Variants in WDR70 observed in about 807,000 individuals in gnomAD.
WDR70 encodes the protein WD repeat-containing protein 70.
In WDR70, 53 loss-of-function variants were observed where a neutral mutation model predicts 88.6. The ratio of observed to expected loss-of-function variants is 0.60; its 90% CI spans 0.48 to 0.75. WDR70 has a LOEUF of 0.75. WDR70 is among the 30% of genes least tolerant of loss of function. WDR70 has a pLI of 0.00. For missense variants in WDR70, 610 were observed against 823.2 expected, an observed-to-expected ratio of 0.74 and a Z score of 3.17; for synonymous variants, 280 against 270.0, an observed-to-expected ratio of 1.04 and a Z score of -0.36.
chr5:37,475,289 G>A (rs1033870384), intron 7 of WDR70, among the ~76,000 whole-genome samples: 2 of 151,966 alleles, frequency 1.3e-5, no homozygotes, highest in Non-Finnish European at 1.5e-5. Flanking sequence ...AGGCTGGAGT[G>A]CAATGGCGCA....
At chr5:37,522,292 A>G (rs1281151905) in intron 9 of WDR70, among the ~76,000 whole-genome samples, 1 of 151,838 alleles carries the variant, frequency 6.6e-6, no homozygotes, top group African/African-American at 2.4e-5. Context: ...TAACACAGTG[A>G]AACCCTGTCT....
At chr5:37,578,710 T>TAAG (rs1743128116) in intron 9 of WDR70, among the ~76,000 whole-genome samples, 1 of 152,230 alleles carries the variant, frequency 6.6e-6, no homozygotes, top group Non-Finnish European at 1.5e-5. Flanking sequence ...TTAGACTCTG[T>TAAG]TCTCAAAGAG....
intron 10 of WDR70, among the ~76,000 whole-genome samples, chr5:37,655,347 A>G (rs1424092321): frequency 2.6e-5 from 4 of 152,122 alleles, no homozygotes; most frequent in African/African-American, 9.7e-5. Context: ...GGGTAACCCA[A>G]CCTTTCTTCT....
At chr5:37,586,560 GC>G (rs1188986637) in intron 9 of WDR70, among the ~76,000 whole-genome samples, 1 of 150,824 alleles carries the variant, frequency 6.6e-6, no homozygotes, top group Non-Finnish European at 1.5e-5. Flanking sequence ...CCCTCCCCTA[GC>G]CCCCCACCCA....
chr5:37,546,966 A>C (rs1742019224), intron 9 of WDR70, among the ~76,000 whole-genome samples: 1 of 152,158 alleles, frequency 6.6e-6, no homozygotes, highest in African/African-American at 2.4e-5. Context: ...AGAATGTAGA[A>C]GTCTCCAAAG....
chr5:37,751,529 C>T (rs1056212939), intron 17 of WDR70, among the ~76,000 whole-genome samples: 2 of 152,092 alleles, frequency 1.3e-5, no homozygotes, highest in East Asian at 3.8e-4. Flanking sequence ...AAAAAAGCAG[C>T]AAGAGGGAAT....
intron 9 of WDR70, among the ~76,000 whole-genome samples, chr5:37,566,660 C>CA (rs1176053588): frequency 6.6e-6 from 1 of 152,158 alleles, no homozygotes; most frequent in African/African-American, 2.4e-5. Flanking sequence ...TTTCCTGGAA[C>CA]AAACTCTCAA....
intron 10 of WDR70, among the ~76,000 whole-genome samples, chr5:37,661,395 G>T (rs905874011): frequency 6.6e-6 from 1 of 152,164 alleles, no homozygotes; most frequent in Non-Finnish European, 1.5e-5. Context: ...GCCCTATATC[G>T]AAATGTAGTA....
In WDR70 at chr5:37,391,465, C is replaced by A. The variant is rs184745882; in HGVS notation, c.176-535C>A. ...CCACCATTCTACTTTTTGTCTCTGA[C>A]TTTGACTACTCTAGATTACCTCATG... On this transcript the variant is annotated intron_variant, in intron 3 of 17. Coordinates refer to ENST00000265107, the MANE Select transcript of WDR70 (RefSeq NM_018034.4). Among the ~76,000 whole-genome samples, 145 of 152,306 alleles carry A rather than the reference C, an allele frequency of 9.5e-4. 2 individuals are homozygous for A. Among genetic ancestry groups the A allele is most frequent in the Non-Finnish European group, 1.8e-3 (121 of 68,030 alleles).
At chr5:37,455,459 C>T (rs1738804862) in intron 7 of WDR70, among the ~76,000 whole-genome samples, 1 of 151,676 alleles carries the variant, frequency 6.6e-6, no homozygotes, top group Non-Finnish European at 1.5e-5. Context: ...CCAGGCTGGT[C>T]TTGAACTCCT....
intron 9 of WDR70, among the ~76,000 whole-genome samples, chr5:37,541,043 G>T (rs1174766613): frequency 6.6e-6 from 1 of 152,126 alleles, no homozygotes; most frequent in African/African-American, 2.4e-5. Flanking sequence ...CCTTCTATGT[G>T]TAAGTAAGAA....
Position 37,726,873 on chromosome 5 carries a change from T to G in WDR70, c.1715-10T>G. ...CAGTTTCTAATTTGGTTTTTTTTCT[T>G]TTGCAATAGGTCGTGGTGGCCGAGT... On this transcript the variant is annotated splice_polypyrimidine_tract_variant and intron_variant, in intron 16 of 17. Coordinates refer to ENST00000265107, the MANE Select transcript of WDR70 (RefSeq NM_018034.4). 7 of 1,574,614 alleles carry G rather than the reference T, an allele frequency of 4.4e-6. No individual in the cohort carries two copies. Among genetic ancestry groups the G allele is most frequent in the Non-Finnish European group, 6.0e-6 (7 of 1,165,046 alleles).
At chr5:37,549,516 A>C (rs1742083243) in intron 9 of WDR70, among the ~76,000 whole-genome samples, 1 of 152,184 alleles carries the variant, frequency 6.6e-6, no homozygotes, top group Non-Finnish European at 1.5e-5. Context: ...GTTGTTTATC[A>C]GTTCTCATAG....
intron 5 of WDR70, among the ~76,000 whole-genome samples, chr5:37,423,012 G>C (rs981444679): frequency 5.3e-5 from 8 of 152,096 alleles, no homozygotes; most frequent in African/African-American, 1.9e-4. Context: ...GCCATTGAAG[G>C]TTTTTGATGA....
At position 37,613,252 on chromosome 5, in the gene WDR70, G is replaced by A. The variant is rs186751006; in HGVS notation, c.1092+8014G>A. Among the ~76,000 whole-genome samples, 150 of 152,238 alleles carry A rather than the reference G, an allele frequency of 9.9e-4. 1 individual carries two copies. The Middle Eastern group carries it at 0.014, about 14-fold the overall frequency. Reference sequence around the variant, plus strand: ...TAAGACTTCCAGTTAAAACATGGTAGGTTAAACACATTTGTTCAACCATGC... The same window carrying A: ...TAAGACTTCCAGTTAAAACATGGTAAGTTAAACACATTTGTTCAACCATGC... On this transcript the variant is annotated intron_variant, in intron 10 of 17. Coordinates refer to ENST00000265107, the MANE Select transcript of WDR70 (RefSeq NM_018034.4).
intron 13 of WDR70, among the ~76,000 whole-genome samples, chr5:37,703,760 A>G (rs1209900704): frequency 1.3e-5 from 2 of 152,234 alleles, no homozygotes; most frequent in Non-Finnish European, 2.9e-5. Context: ...GAAAATTTGA[A>G]TTCCTTTAAG....
chr5:37,400,856 G>A (rs1581250591), intron 5 of WDR70, among the ~76,000 whole-genome samples: 1 of 152,320 alleles, frequency 6.6e-6, no homozygotes, highest in East Asian at 1.9e-4. Context: ...TACAGCTATG[G>A]TCATGAAATT....
chr5:37,528,154 A>G (rs531794984), intron 9 of WDR70, among the ~76,000 whole-genome samples: 1 of 152,356 alleles, frequency 6.6e-6, no homozygotes, highest in African/African-American at 2.4e-5. Flanking sequence ...ATTATAAATC[A>G]TGCTGCTGTA....
chr5:37,380,467 T>C (rs1482551318), intron 2 of WDR70, among the ~76,000 whole-genome samples: 2 of 151,982 alleles, frequency 1.3e-5, no homozygotes, highest in East Asian at 3.9e-4. Flanking sequence ...GCCTCCCGAG[T>C]AGCTGGGACT....
Sources: allele counts gnomAD v4.1 joint callset (sites outside exome capture counted in the v4.1 genomes callset), GRCh38; gene constraint gnomAD v4.1.1; transcripts MANE v1.5; gene names NCBI Gene and HGNC (gene_info 2026-07-23, HGNC 2026-07-21).